The following NELL2 variants were observed in gnomAD, a reference collection of about 807,000 sequenced individuals.
NELL2 encodes the protein neural EGFL like 2, also known as protein kinase C-binding protein NELL2.
Under a neutral mutation model 109.6 loss-of-function variants are expected in NELL2, and 41 were observed. That is an observed-to-expected ratio of 0.37 (90% CI 0.29 to 0.49). The LOEUF is 0.49. Among genes scored for constraint, NELL2 ranks in the 20% least tolerant of loss-of-function variants. The pLI is 0.98. For missense variants in NELL2, 900 were observed against 1,008.3 expected (o/e 0.89, Z 1.45); for synonymous variants, 355 against 344.7 (o/e 1.03, Z -0.33).
At chr12:44,683,347 C>T (rs927796210) in intron 12 of NELL2, among the ~76,000 whole-genome samples, 9 of 144,396 alleles carry the variant, frequency 6.2e-5, no homozygotes, top group Non-Finnish European at 8.8e-5. Context: ...TCTAGATATA[C>T]TATCATGTCG....
chr12:44,878,914 T>C (rs1461890086), upstream of NELL2, among the ~76,000 whole-genome samples: 2 of 152,222 alleles, frequency 1.3e-5, no homozygotes, highest in South Asian at 2.1e-4. Context: ...AACCTGTGTA[T>C]GTTACCTCAC....
chr12:44,802,267 T>A (rs1352660799), intron 3 of NELL2, among the ~76,000 whole-genome samples: 1 of 152,118 alleles, frequency 6.6e-6, no homozygotes, highest in African/African-American at 2.4e-5. Flanking sequence ...TGAGGTTTAT[T>A]TTTAAATGAA....
chr12:44,895,051 T>G (rs1945577423), intron 1 of NELL2, among the ~76,000 whole-genome samples: 1 of 152,186 alleles, frequency 6.6e-6, no homozygotes, highest in African/African-American at 2.4e-5. Context: ...AAAAAAGAGA[T>G]TGTGTAGGAT....
At chr12:44,844,634 T>C (rs958392520) in intron 2 of NELL2, among the ~76,000 whole-genome samples, 1 of 152,222 alleles carries the variant, frequency 6.6e-6, no homozygotes, top group African/African-American at 2.4e-5. Context: ...ATATGGCATA[T>C]ACAGGTTTGA....
intron 12 of NELL2, among the ~76,000 whole-genome samples, chr12:44,683,474 G>A (rs953847378): frequency 2.0e-5 from 3 of 151,880 alleles, no homozygotes; most frequent in South Asian, 4.1e-4. Flanking sequence ...GGAGTGGTGA[G>A]AGAGGGCATC....
chr12:44,846,048 G>A (rs1849404245), intron 2 of NELL2, among the ~76,000 whole-genome samples: 1 of 152,142 alleles, frequency 6.6e-6, no homozygotes, highest in African/African-American at 2.4e-5. Context: ...AAATGGACTT[G>A]GAACATTTAC....
At chr12:44,700,404 A>G (rs1949194703) in intron 12 of NELL2, among the ~76,000 whole-genome samples, 1 of 152,180 alleles carries the variant, frequency 6.6e-6, no homozygotes, top group Admixed American at 6.6e-5. Context: ...TGTTCTTAAC[A>G]TGAAACTCTT....
chr12:44,592,956 T>C (rs1322050913), intron 15 of NELL2, among the ~76,000 whole-genome samples: 1 of 152,192 alleles, frequency 6.6e-6, no homozygotes, highest in Non-Finnish European at 1.5e-5. Context: ...TCTTTGGTCC[T>C]CCTCCATTTG....
At chr12:44,850,905 TAGG>T (rs1944515880) in intron 2 of NELL2, among the ~76,000 whole-genome samples, 1 of 152,130 alleles carries the variant, frequency 6.6e-6, no homozygotes, top group Non-Finnish European at 1.5e-5. Flanking sequence ...AAGTGCAATT[TAGG>T]AGGAGAGTGG....
At chr12:44,733,763 AG>A (rs1355010693) in intron 9 of NELL2, among the ~76,000 whole-genome samples, 8 of 152,094 alleles carry the variant, frequency 5.3e-5, no homozygotes, top group Non-Finnish European at 1.0e-4. Context: ...TAGGGAAGGA[AG>A]GGAGGAAGGA....
At chr12:44,788,481 C>T (rs1186718756) in intron 3 of NELL2, among the ~76,000 whole-genome samples, 1 of 152,128 alleles carries the variant, frequency 6.6e-6, no homozygotes, top group Non-Finnish European at 1.5e-5. Flanking sequence ...CAAATACAAG[C>T]GTAGAGGAAG....
intron 16 of NELL2, among the ~76,000 whole-genome samples, chr12:44,526,450 C>T (rs1941776986): frequency 6.6e-6 from 1 of 152,016 alleles, no homozygotes; most frequent in African/African-American, 2.4e-5. Flanking sequence ...CATAACTTGC[C>T]CAAAATGACA....
intron 9 of NELL2, among the ~76,000 whole-genome samples, chr12:44,745,465 A>G (rs568745056): frequency 9.9e-5 from 15 of 152,270 alleles, no homozygotes; most frequent in African/African-American, 3.1e-4. Flanking sequence ...GTCAGGCAGG[A>G]GAAGGAAATA....
intron 12 of NELL2, among the ~76,000 whole-genome samples, chr12:44,666,273 C>G (rs997102574): frequency 6.6e-6 from 1 of 152,118 alleles, no homozygotes; most frequent in East Asian, 1.9e-4. Context: ...GGATGCTAAC[C>G]CATAAGAAGC....
At chr12:44,843,608 T>G (rs1356158235) in intron 2 of NELL2, among the ~76,000 whole-genome samples, 1 of 152,244 alleles carries the variant, frequency 6.6e-6, no homozygotes, top group Admixed American at 6.5e-5. Context: ...ACAAAATATC[T>G]GAGACTGAAT....
At chr12:44,649,075 T>G (rs562457503) in intron 13 of NELL2, among the ~76,000 whole-genome samples, 2 of 152,044 alleles carry the variant, frequency 1.3e-5, no homozygotes. Flanking sequence ...CACAATGCCA[T>G]CTTACATTTT....
At chr12:44,699,505 G>A (rs1949161436) in intron 12 of NELL2, among the ~76,000 whole-genome samples, 1 of 152,102 alleles carries the variant, frequency 6.6e-6, no homozygotes, top group Admixed American at 6.6e-5. Flanking sequence ...GAAAAAGTGG[G>A]TCGGGCAGAA....
intron 9 of NELL2, among the ~76,000 whole-genome samples, chr12:44,765,274 TGCACAA>T (rs1941283552): frequency 6.6e-6 from 1 of 152,230 alleles, no homozygotes; most frequent in East Asian, 1.9e-4. Context: ...CTGAGTTTGT[TGCACAA>T]GTATTTGTGA....
intron 13 of NELL2, among the ~76,000 whole-genome samples, chr12:44,635,715 C>T (rs1400417130): frequency 6.6e-6 from 1 of 152,128 alleles, no homozygotes; most frequent in Non-Finnish European, 1.5e-5. Context: ...AGTCAGGTAG[C>T]ATGATGCCTC....
Sources: gnomAD v4.1 joint callset for allele counts (sites outside exome capture counted in the v4.1 genomes callset) on GRCh38, gnomAD v4.1.1 for gene constraint, MANE v1.5 for transcripts, NCBI Gene and HGNC (gene_info 2026-07-23, HGNC 2026-07-21) for gene names.